Variants in DCLK1 observed in about 807,000 individuals in gnomAD.
DCLK1 encodes the protein doublecortin like kinase 1, also known as serine/threonine-protein kinase DCLK1.
A neutral mutation model predicts 86.2 loss-of-function variants in DCLK1; 16 were observed. The ratio of observed to expected loss-of-function variants is 0.19; its 90% CI spans 0.13 to 0.28. The LOEUF is 0.28. DCLK1 is among the 10% of genes least tolerant of loss of function. The probability of loss-of-function intolerance (pLI) is 1.00; values close to 1 mark genes in which losing one functional copy is unlikely to be tolerated. For synonymous variants in DCLK1, 369 were observed against 370.5 expected, an observed-to-expected ratio of 1.00 and a Z score of 0.05; for missense variants, 590 against 940.2, an observed-to-expected ratio of 0.63 and a Z score of 4.87.
At chr13:35,960,881 T>C (rs906364413) in intron 3 of DCLK1, among the ~76,000 whole-genome samples, 22 of 152,252 alleles carry the variant, frequency 1.4e-4, no homozygotes, top group African/African-American at 5.1e-4. Flanking sequence ...CTCATATTAC[T>C]GATGGCCTTC....
intron 11 of DCLK1, among the ~76,000 whole-genome samples, chr13:35,815,182 A>G (rs1165774542): frequency 6.6e-6 from 1 of 152,204 alleles, no homozygotes; most frequent in Non-Finnish European, 1.5e-5. Context: ...CATTAGCTAC[A>G]ACTTACTGAA....
At chr13:36,131,907 T>C (rs1386418883), upstream of DCLK1, among the ~76,000 whole-genome samples, 1 of 152,198 alleles carries the variant, frequency 6.6e-6, no homozygotes, top group Non-Finnish European at 1.5e-5. Flanking sequence ...TGCACTCTGG[T>C]GCCCCCCACA....
In DCLK1 at chr13:36,045,257, CTATA is replaced by C. The variant is rs59721866; in HGVS notation, c.723+66608_723+66611del. ...GCTCTATCTATTCAAAATCCATCTTCTATATATATATATATATAGAAGATATATA... is the reference window on the plus strand; with the variant it reads ...GCTCTATCTATTCAAAATCCATCTTCTATATATATATATAGAAGATATATA... On this transcript the variant is annotated intron_variant, in intron 3 of 16. Transcript: ENST00000360631. Among the ~76,000 whole-genome samples, 128 of 122,392 alleles carry C rather than the reference CTATA, an allele frequency of 1.0e-3. No individual in the cohort carries two copies. In the South Asian group the frequency reaches 0.024, roughly 23 times the overall value. 80.3% of individuals were successfully genotyped at this position (122,392 alleles called of 152,430 possible).
chr13:35,865,924 T>C (rs1433523488), intron 5 of DCLK1, among the ~76,000 whole-genome samples: 1 of 152,184 alleles, frequency 6.6e-6, no homozygotes, highest in Non-Finnish European at 1.5e-5. Flanking sequence ...CTTAGGCTTA[T>C]GTTGCAAGGT....
At chr13:36,019,411 T>C (rs906906713) in intron 3 of DCLK1, among the ~76,000 whole-genome samples, 2 of 152,260 alleles carry the variant, frequency 1.3e-5, no homozygotes, top group East Asian at 3.9e-4. Context: ...ACTGATAGAT[T>C]AACAGATAAT....
At chr13:35,863,553 A>G (rs1245844648) in intron 5 of DCLK1, among the ~76,000 whole-genome samples, 2 of 152,202 alleles carry the variant, frequency 1.3e-5, no homozygotes, top group Non-Finnish European at 2.9e-5. Context: ...GGAAGGAGGG[A>G]TGAGCCTTAC....
intron 5 of DCLK1, among the ~76,000 whole-genome samples, chr13:35,861,332 A>T (rs1342497944): frequency 6.6e-6 from 1 of 152,188 alleles, no homozygotes; most frequent in Non-Finnish European, 1.5e-5. Context: ...ATCAGCTGGG[A>T]TCCAAGAACA....
intron 3 of DCLK1, among the ~76,000 whole-genome samples, chr13:35,977,359 T>C (rs1011893998): frequency 2.0e-5 from 3 of 152,104 alleles, no homozygotes; most frequent in African/African-American, 7.2e-5. Context: ...GGGAAGGGTA[T>C]GTCAGCCACT....
chr13:35,952,768 AT>A (rs565399440), intron 3 of DCLK1, among the ~76,000 whole-genome samples: 5 of 152,140 alleles, frequency 3.3e-5, no homozygotes, highest in East Asian at 1.9e-4. Context: ...CCAATGTTGA[AT>A]TTTTTTTAAC....
chr13:35,839,851 G>A (rs1007496947), intron 6 of DCLK1, among the ~76,000 whole-genome samples: 1 of 152,172 alleles, frequency 6.6e-6, no homozygotes, highest in African/African-American at 2.4e-5. Flanking sequence ...CTGTATGAGA[G>A]AGCTCAGAGG....
chr13:35,789,472 G>C (rs2086675893), intron 16 of DCLK1, among the ~76,000 whole-genome samples: 1 of 152,128 alleles, frequency 6.6e-6, no homozygotes, highest in African/African-American at 2.4e-5. Flanking sequence ...GTGTATGCTT[G>C]GCCACAAAGA....
intron 3 of DCLK1, among the ~76,000 whole-genome samples, chr13:36,043,812 G>T (rs1882780032): frequency 6.6e-6 from 1 of 152,156 alleles, no homozygotes; most frequent in Non-Finnish European, 1.5e-5. Context: ...AAATATTGCA[G>T]ATGAACAAGT....
At chr13:35,924,759 G>A (rs894209069) in intron 4 of DCLK1, among the ~76,000 whole-genome samples, 2 of 152,142 alleles carry the variant, frequency 1.3e-5, no homozygotes, top group African/African-American at 4.8e-5. Context: ...TTCCCATGAA[G>A]GAGCATATTC....
chr13:35,793,264 G>A (rs941505759), intron 16 of DCLK1, 102 bp downstream of exon 16: 9 of 804,436 alleles, frequency 1.1e-5, no homozygotes, highest in South Asian at 2.0e-5. Context: ...CTAAAGAAAT[G>A]ACCCATTCTG....
intron 3 of DCLK1, among the ~76,000 whole-genome samples, chr13:35,993,078 A>G (rs1880308856): frequency 6.6e-6 from 1 of 152,062 alleles, no homozygotes; most frequent in Admixed American, 6.6e-5. Flanking sequence ...CCCTGATGTA[A>G]TATGTGGGTC....
chr13:36,074,428 T>C (rs2153162107), intron 3 of DCLK1, among the ~76,000 whole-genome samples: 1 of 104,336 alleles, frequency 9.6e-6, no homozygotes, highest in South Asian at 3.9e-4. Context: ...GGGCGGAGCC[T>C]GCAGTGAGCT....
chr13:36,051,123 T>C (rs1481137926), intron 3 of DCLK1, among the ~76,000 whole-genome samples: 1 of 152,174 alleles, frequency 6.6e-6, no homozygotes, highest in Non-Finnish European at 1.5e-5. Context: ...AATAAATGAA[T>C]AGATATTTAA....
At chr13:35,855,117 T>G (rs1870955072) in intron 5 of DCLK1, among the ~76,000 whole-genome samples, 1 of 152,246 alleles carries the variant, frequency 6.6e-6, no homozygotes, top group Non-Finnish European at 1.5e-5. Context: ...GTGATGGACC[T>G]GCCTTGAACA....
chr13:36,069,595 C>T (rs1883891256), intron 3 of DCLK1, among the ~76,000 whole-genome samples: 1 of 152,144 alleles, frequency 6.6e-6, no homozygotes, highest in Non-Finnish European at 1.5e-5. Flanking sequence ...CCATCCCCTC[C>T]ACCCATCAAA....
Sources: allele counts gnomAD v4.1 joint callset (sites outside exome capture counted in the v4.1 genomes callset), GRCh38; gene constraint gnomAD v4.1.1; transcripts MANE v1.5; gene names NCBI Gene and HGNC (gene_info 2026-07-23, HGNC 2026-07-21).